The following SPEN variants were observed in gnomAD, a reference collection of about 807,000 sequenced individuals.
SPEN encodes msx2-interacting protein.
A neutral mutation model predicts 269.9 loss-of-function variants in SPEN; 18 were observed. That is an observed-to-expected ratio of 0.07 (90% confidence interval 0.05 to 0.10). The LOEUF (loss-of-function observed/expected upper bound fraction) is 0.10. SPEN is among the 10% of genes least tolerant of loss of function. The probability of loss-of-function intolerance (pLI) is 1.00; values close to 1 mark genes in which losing one functional copy is unlikely to be tolerated. For missense variants in SPEN, 3,822 were observed against 4,631.2 expected (o/e 0.83, Z 5.07); for synonymous variants, 1,726 against 1,765.7 (o/e 0.98, Z 0.56).
intron 1 of SPEN, among the ~76,000 whole-genome samples, chr1:15,857,434 G>T (rs2070398468): frequency 6.6e-6 from 1 of 151,918 alleles, no homozygotes; most frequent in Admixed American, 6.6e-5. Flanking sequence ...TCAGCTCACT[G>T]CAACCTCTGC....
chr1:15,904,214 A>G (rs1003633735), intron 3 of SPEN, among the ~76,000 whole-genome samples: 4 of 152,110 alleles, frequency 2.6e-5, no homozygotes, highest in Admixed American at 6.6e-5. Context: ...GCGGTGGCTT[A>G]TGCCTGTAAT....
chr1:15,860,615 T>A (rs931228894), intron 1 of SPEN, among the ~76,000 whole-genome samples: 1 of 151,720 alleles, frequency 6.6e-6, no homozygotes, highest in South Asian at 2.1e-4. Flanking sequence ...GTGACTTTTT[T>A]TTTTTTGAGA....
In SPEN at chr1:15,939,085, A is replaced by G. The variant is rs1442001525; in HGVS notation, c.10863+209A>G. 6.6e-6 allele frequency among the ~76,000 whole-genome samples: 1 copy of G among 152,202 alleles called. No homozygotes were observed. Among genetic ancestry groups the G allele is most frequent in the African/African-American group, 2.4e-5 (1 of 41,448 alleles). Reference sequence around the variant, plus strand: ...GAACCGCTGAGAACACAGGTTTTCCATGAGTTTAAAGATAGGGCCCCAGGG... The same window carrying G: ...GAACCGCTGAGAACACAGGTTTTCCGTGAGTTTAAAGATAGGGCCCCAGGG... On this transcript the variant is annotated intron_variant, in intron 14 of 14. Coordinates refer to ENST00000375759, the MANE Select transcript of SPEN (RefSeq NM_015001.3). This position sits in a 1 kb window ranked among gnomAD's most constrained non-coding sequence, Gnocchi z 4.1.
intron 1 of SPEN, among the ~76,000 whole-genome samples, chr1:15,868,974 T>C (rs2070545497): frequency 6.6e-6 from 1 of 152,224 alleles, no homozygotes. Context: ...AATATGGGGA[T>C]ATCAGTAATT....
intron 3 of SPEN, among the ~76,000 whole-genome samples, chr1:15,902,384 C>T (rs566522363): frequency 6.6e-6 from 1 of 152,262 alleles, no homozygotes; most frequent in South Asian, 2.1e-4. Flanking sequence ...TCTCACAGAT[C>T]TCCTAAAAGG....
intron 3 of SPEN, among the ~76,000 whole-genome samples, chr1:15,884,345 G>C (rs1293101152): frequency 6.6e-6 from 1 of 152,078 alleles, no homozygotes; most frequent in Non-Finnish European, 1.5e-5. Context: ...GTCTTTTCTT[G>C]AGGAGATTTT....
chr1:15,848,147 A>G lies in SPEN; in HGVS notation c.80A>G (p.Lys27Arg). Residue 27 changes from lysine to arginine, a missense_variant, in exon 1 of 15, where the codon AAA becomes AGA. By Grantham distance (26) the Lys-to-Arg change is conservative. Coordinates refer to ENST00000375759, the MANE Select transcript of SPEN (RefSeq NM_015001.3). The surrounding 1 kb of genome is among the most constrained non-coding windows in gnomAD (Gnocchi z 5.1). ...VREEKIIEHFKRYGRVESVKI... is the reference protein window; with the variant it reads ...VREEKIIEHFRRYGRVESVKI... The stretch of plus-strand genomic sequence containing the variant: ...GAAGAGAAGATCATCGAGCATTTCA[A>G]ACGGTGAGTGACACGAGGCCCGCGG... 6.7e-7 allele frequency: 1 copy of G among 1,485,378 alleles called. No individual in the cohort carries two copies. The highest frequency in any genetic ancestry group is 9.0e-7 in the Non-Finnish European group (1 of 1,108,258). The allele number at this position is 1,485,378 out of a possible 1,614,324, so 92.0% of individuals were successfully genotyped here.
At chr1:15,938,588 TCAAATATCAGGGTAGCC>T in intron 13 of SPEN, 113 bp from the exon 14 acceptor site, 2 of 396,842 alleles carry the variant, frequency 5.0e-6, no homozygotes, top group Non-Finnish European at 8.1e-6. Flanking sequence ...TTTTTTTCAT[TCAAATATCAGGGTAGCC>T]TTTAAAGTCA....
chr1:15,928,679 A>C lies in SPEN; in HGVS notation c.2439A>C (p.Lys813Asn). 6.2e-7 allele frequency: 1 copy of C among 1,614,036 alleles called. No homozygotes were observed. Among genetic ancestry groups the C allele is most frequent in the South Asian group, 1.1e-5 (1 of 91,078 alleles). ...AGAGACGCTTAATACGGAAGGAAAA[A>C]GTGGAAAAGGACAAAACTGACAAGC... ...ERERRLIRKE[K>N]VEKDKTDKQK... Residue 813 changes from lysine (K) to asparagine (N), a missense_variant, in exon 11 of 15, where the codon AAA becomes AAC. Physicochemically the swap from Lys to Asn is moderately conservative, Grantham distance 94. Around this residue, in one of 16 missense-constraint regions of SPEN, gnomAD observed 572 missense variants for 582.6 expected, o/e 0.98. Transcript: ENST00000375759. The surrounding 1 kb of genome is among the most constrained non-coding windows in gnomAD (Gnocchi z 5.7).
In SPEN at chr1:15,932,648, G is replaced by C; in HGVS notation, c.6408G>C (p.Gln2136His). 6.2e-7 allele frequency: 1 copy of C among 1,613,242 alleles called. No homozygotes were observed. Among genetic ancestry groups the C allele is most frequent in the Non-Finnish European group, 8.5e-7 (1 of 1,179,482 alleles). ...AAAAGGAGGATGGTTTATCATCCCA[G>C]TTGAAAAGTGATCCAGTTGATCCAG... ...SPQKEDGLSS[Q>H]LKSDPVDPDK... The change falls in exon 11 of 15, where the codon CAG becomes CAC. Residue 2136 changes from glutamine (Q) to histidine (H), a missense_variant. This residue lies in a region of SPEN where 727 missense variants were observed against 737.9 expected (regional missense o/e 0.99). Transcript: ENST00000375759. The surrounding 1 kb of genome is among the most constrained non-coding windows in gnomAD (Gnocchi z 4.2).
chr1:15,921,854 C>T (rs2071122806), intron 9 of SPEN, among the ~76,000 whole-genome samples: 1 of 152,178 alleles, frequency 6.6e-6, no homozygotes, highest in Non-Finnish European at 1.5e-5. Context: ...GCATCATATG[C>T]TTTAGTAACT....
chr1:15,883,807 CTTTTTTTTTTT>C (rs36018800), intron 3 of SPEN, among the ~76,000 whole-genome samples: 3 of 69,550 alleles, frequency 4.3e-5, no homozygotes, highest in African/African-American at 1.4e-4. Context: ...ATTTAAGATT[CTTTTTTTTTTT>C]TTTTTTTTTG....
Position 15,938,873 on chromosome 1 carries a change from T to C in SPEN, c.10860T>C (p.Asn3620=). The change falls in exon 14 of 15, where the codon AAT becomes AAC. Residue 3620 remains asparagine, a synonymous_variant. Coordinates refer to ENST00000375759, the MANE Select transcript of SPEN (RefSeq NM_015001.3). ...TCAACGTTCCCAACCCTGGCTCCAATCAGGTCGGTTGTCCTGTGTCCTTCC... is the reference window on the plus strand; with the variant it reads ...TCAACGTTCCCAACCCTGGCTCCAACCAGGTCGGTTGTCCTGTGTCCTTCC... ...GIINVPNPGS[N]QPAYVLQIFP... 1 of 1,613,420 alleles carries C rather than the reference T, an allele frequency of 6.2e-7. No individual in the cohort carries two copies. The highest frequency in any genetic ancestry group is 8.5e-7 in the Non-Finnish European group (1 of 1,179,762).
At chr1:15,885,126 A>G (rs756059805) in intron 3 of SPEN, among the ~76,000 whole-genome samples, 14 of 152,192 alleles carry the variant, frequency 9.2e-5, no homozygotes, top group Non-Finnish European at 1.6e-4. Context: ...TTATTATCCA[A>G]AGTTACCTAT....
intron 3 of SPEN, among the ~76,000 whole-genome samples, chr1:15,878,991 T>C (rs1180282322): frequency 9.3e-6 from 1 of 107,958 alleles, no homozygotes; most frequent in African/African-American, 3.9e-5. Flanking sequence ...TGACAGATGA[T>C]GAGACTCTGT....
Position 15,932,500 on chromosome 1 carries a change from T to A in SPEN, c.6260T>A (p.Val2087Glu). 6.2e-7 allele frequency: 1 copy of A among 1,605,428 alleles called. No individual in the cohort carries two copies. The highest frequency in any genetic ancestry group is 8.5e-7 in the Non-Finnish European group (1 of 1,175,034). ...AGATCTCGAAACTCCAGGTTAGCAGTGGACAAATCTGCAAGTCTGAAAAAT... is the reference window on the plus strand; with the variant it reads ...AGATCTCGAAACTCCAGGTTAGCAGAGGACAAATCTGCAAGTCTGAAAAAT... Reference protein sequence around the residue: ...RGRSRNSRLAVDKSASLKNVD... With the variant: ...RGRSRNSRLAEDKSASLKNVD... Residue 2087 changes from valine (V) to glutamate (E), a missense_variant, in exon 11 of 15, where the codon GTG (valine) becomes GAG (glutamate). Transcript: ENST00000375759. The surrounding 1 kb of genome is among the most constrained non-coding windows in gnomAD (Gnocchi z 4.2).
At chr1:15,906,939 A>T (rs192017134) in intron 3 of SPEN, among the ~76,000 whole-genome samples, 3 of 151,414 alleles carry the variant, frequency 2.0e-5, no homozygotes, top group Non-Finnish European at 4.4e-5. Flanking sequence ...ATGCCCAGCT[A>T]ATTTTTTAAT....
intron 1 of SPEN, among the ~76,000 whole-genome samples, chr1:15,853,386 T>C (rs1483697053): frequency 6.6e-6 from 1 of 151,400 alleles, no homozygotes; most frequent in African/African-American, 2.4e-5. Flanking sequence ...AGGGTGTCAC[T>C]GTGTTGGCCA....
Position 15,931,538 on chromosome 1 carries a change from T to G in SPEN, c.5298T>G (p.Ser1766=), listed in dbSNP as rs202173305. The change falls in exon 11 of 15, where the codon TCT becomes TCG. Residue 1766 remains serine (S), a synonymous_variant. Transcript: ENST00000375759. This position sits in a 1 kb window ranked among gnomAD's most constrained non-coding sequence, Gnocchi z 4.8. ...TQPLSKPAQK[S]EEANEPKAEK... ...CACTTTCAAAACCAGCTCAGAAGTC[T>G]GAGGAAGCCAATGAGCCAAAGGCCG... 67 of 1,613,914 alleles carry G rather than the reference T, an allele frequency of 4.2e-5. No individual in the cohort carries two copies. Among genetic ancestry groups the G allele is most frequent in the Admixed American group, 1.7e-4 (10 of 59,986 alleles).
Sources: gnomAD v4.1 joint callset for allele counts (sites outside exome capture counted in the v4.1 genomes callset) on GRCh38, gnomAD v4.1.1 for gene constraint, gnomAD v4.1.1 regional missense constraint, Gnocchi (gnomAD v3.1) non-coding constraint, MANE v1.5 for transcripts, NCBI Gene and HGNC (gene_info 2026-07-23, HGNC 2026-07-21) for gene names.